CRB1: variants seen among roughly 807,000 people sequenced by gnomAD.
The protein encoded by CRB1 is crumbs cell polarity complex component 1, also known as protein crumbs homolog 1.
Under a neutral mutation model 120.0 loss-of-function variants are expected in CRB1, and 83 were observed. The ratio of observed to expected loss-of-function variants is 0.69; its 90% CI spans 0.58 to 0.83. The LOEUF is 0.83. CRB1 is among the 40% of genes least tolerant of loss of function. CRB1 has a pLI of 0.00. For missense variants in CRB1, 1,699 were observed against 1,687.6 expected, an observed-to-expected ratio of 1.01 and a Z score of -0.12; for synonymous variants, 625 against 612.5, an observed-to-expected ratio of 1.02 and a Z score of -0.30.
the CRB1 span, among the ~76,000 whole-genome samples, chr1:197,223,634 T>A: frequency 6.6e-6 from 1 of 152,194 alleles, no homozygotes; most frequent in South Asian, 2.1e-4. Flanking sequence ...TTACACAGCA[T>A]AGGTGAAAAT....
At chr1:197,357,649 T>G (rs1178717087) in intron 5 of CRB1, 3 of 157,638 alleles carry the variant, frequency 1.9e-5, no homozygotes, top group Non-Finnish European at 2.8e-5. Flanking sequence ...TTGATATCAC[T>G]GAGAAAACCA....
the CRB1 span, among the ~76,000 whole-genome samples, chr1:197,236,494 C>T: frequency 1.8e-4 from 28 of 152,222 alleles, no homozygotes; most frequent in East Asian, 4.4e-3. Flanking sequence ...CCACTGCGCT[C>T]GGCCAGCTTT....
chr1:197,257,340 A>T, the CRB1 span, among the ~76,000 whole-genome samples: 114 of 152,250 alleles, frequency 7.5e-4, 2 homozygotes, highest in East Asian at 0.022. Flanking sequence ...ACTGATTCAA[A>T]TGGTAATCTC....
the CRB1 span, among the ~76,000 whole-genome samples, chr1:197,213,303 T>C: frequency 5.9e-5 from 9 of 152,194 alleles, no homozygotes; most frequent in Non-Finnish European, 1.2e-4. Flanking sequence ...AAAGTCTGTG[T>C]GTAAGGAATT....
At chr1:197,470,043 A>G (rs1286414772) in intron 11 of CRB1, among the ~76,000 whole-genome samples, 2 of 152,154 alleles carry the variant, frequency 1.3e-5, no homozygotes, top group Non-Finnish European at 2.9e-5. Flanking sequence ...GGTTTTTATT[A>G]CGTAAAAATC....
intron 5 of CRB1, among the ~76,000 whole-genome samples, chr1:197,415,697 C>CA (rs1663960566): frequency 8.1e-6 from 1 of 123,960 alleles, no homozygotes; most frequent in Non-Finnish European, 1.6e-5. Flanking sequence ...GGCTGGAGTG[C>CA]AGTGGTTTGA....
chr1:197,292,536 G>A (rs1254852750), intron 1 of CRB1, among the ~76,000 whole-genome samples: 1 of 151,898 alleles, frequency 6.6e-6, no homozygotes, highest in African/African-American at 2.4e-5. Context: ...AGAAAAAGAG[G>A]GAATCCTCCC....
At chr1:197,215,703 A>C in the CRB1 span, among the ~76,000 whole-genome samples, 1 of 152,140 alleles carries the variant, frequency 6.6e-6, no homozygotes, top group South Asian at 2.1e-4. Flanking sequence ...TTCTCCTGCC[A>C]CCATGTGAAG....
chr1:197,244,747 T>C, the CRB1 span, among the ~76,000 whole-genome samples: 1 of 152,018 alleles, frequency 6.6e-6, no homozygotes, highest in South Asian at 2.1e-4. Flanking sequence ...CAAATAGTTT[T>C]TTTTTCTTTT....
chr1:197,346,476 T>C (rs936160209), intron 3 of CRB1, among the ~76,000 whole-genome samples: 14 of 152,270 alleles, frequency 9.2e-5, no homozygotes, highest in East Asian at 7.7e-4. Context: ...AATAGATTTC[T>C]AACAACACAT....
rs767536855 is a variant in CRB1, at chr1:197,352,926, C to G, written c.989-3905C>G. 4.6e-5 allele frequency among the ~76,000 whole-genome samples: 7 copies of G among 152,068 alleles called. No individual in the cohort carries two copies. The South Asian group carries it at 1.2e-3, about 27-fold the overall frequency. On this transcript the variant is annotated intron_variant, in intron 4 of 11. Coordinates refer to ENST00000367400, the MANE Select transcript of CRB1 (RefSeq NM_201253.3). ...TCAATTCCCTGGTTTATGTGCTAAA[C>G]TAGGATTATAATCTAAATTGTTATT...
intron 11 of CRB1, among the ~76,000 whole-genome samples, chr1:197,471,797 G>A (rs571538248): frequency 8.5e-5 from 13 of 152,274 alleles, no homozygotes; most frequent in African/African-American, 2.2e-4. Context: ...GGAAACGGCC[G>A]CTTCTAACAA....
At chr1:197,353,248 A>G (rs1660210174) in intron 4 of CRB1, among the ~76,000 whole-genome samples, 2 of 152,222 alleles carry the variant, frequency 1.3e-5, no homozygotes, top group South Asian at 4.1e-4. Flanking sequence ...GTTAGCCAAG[A>G]AAACACTTGA....
At chr1:197,212,985 A>T in the CRB1 span, among the ~76,000 whole-genome samples, 1 of 152,232 alleles carries the variant, frequency 6.6e-6, no homozygotes, top group East Asian at 1.9e-4. Context: ...CAACAGATCT[A>T]GATAAATTCC....
At chr1:197,395,891 G>A (rs535887236) in intron 5 of CRB1, among the ~76,000 whole-genome samples, 3 of 152,128 alleles carry the variant, frequency 2.0e-5, no homozygotes, top group Non-Finnish European at 4.4e-5. Context: ...AGCTAACATA[G>A]TAATGGTGAA....
intron 6 of CRB1, among the ~76,000 whole-genome samples, chr1:197,424,376 GAATACTT>G (rs1664476714): frequency 6.6e-6 from 1 of 152,120 alleles, no homozygotes; most frequent in South Asian, 2.1e-4. Flanking sequence ...TGCTGCTTGA[GAATACTT>G]AATATCTGAA....
intron 2 of CRB1, among the ~76,000 whole-genome samples, chr1:197,338,762 CAAAT>C (rs1659293289): frequency 6.6e-6 from 1 of 151,834 alleles, no homozygotes; most frequent in Admixed American, 6.6e-5. Flanking sequence ...AAAATATAAT[CAAAT>C]AGTTAAATAA....
chr1:197,416,510 C>A (rs1664010776), intron 5 of CRB1, among the ~76,000 whole-genome samples: 1 of 152,006 alleles, frequency 6.6e-6, no homozygotes, highest in Admixed American at 6.6e-5. Context: ...TGAGAGTACT[C>A]TGAGAGTACA....
chr1:197,448,172 G>C (rs1042628267), intron 11 of CRB1, among the ~76,000 whole-genome samples: 3 of 151,778 alleles, frequency 2.0e-5, no homozygotes, highest in Non-Finnish European at 4.4e-5. Flanking sequence ...TCAAGCTCTT[G>C]GAGTGCTCAC....
Sources: allele counts gnomAD v4.1 joint callset (sites outside exome capture counted in the v4.1 genomes callset), GRCh38; gene constraint gnomAD v4.1.1; transcripts MANE v1.5; gene names NCBI Gene and HGNC (gene_info 2026-07-23, HGNC 2026-07-21).